SLCO4A1: variants seen among roughly 807,000 people sequenced by gnomAD.
SLCO4A1 encodes solute carrier organic anion transporter family member 4A1.
SLCO4A1 carries 51 observed loss-of-function variants against 64.6 expected under a neutral mutation model. The ratio of observed to expected loss-of-function variants is 0.79; its 90% CI spans 0.63 to 1.00. The LOEUF (loss-of-function observed/expected upper bound fraction) is 1.00. Ranked by LOEUF, SLCO4A1 falls within the 50% of genes least tolerant of loss-of-function variation. The pLI is 0.00. For missense variants in SLCO4A1, 919 were observed against 980.5 expected, an observed-to-expected ratio of 0.94 and a Z score of 0.84; for synonymous variants, 471 against 444.9, an observed-to-expected ratio of 1.06 and a Z score of -0.74.
intron 1 of SLCO4A1, among the ~76,000 whole-genome samples, chr20:62,656,033 C>T (rs1175219131): frequency 6.6e-6 from 1 of 152,240 alleles, no homozygotes; most frequent in African/African-American, 2.4e-5. Context: ...GGCCCCATCT[C>T]AGTAGGCCTT....
chr20:62,669,468 G>A (rs536999043), intron 11 of SLCO4A1, among the ~76,000 whole-genome samples: 11 of 152,302 alleles, frequency 7.2e-5, no homozygotes, highest in Admixed American at 3.9e-4. Flanking sequence ...GGTCCACTCC[G>A]GGCCTCAGTC....
chr20:62,644,371 C>T lies in SLCO4A1; in HGVS notation c.-97+1818C>T, dbSNP rs796203091. On this transcript the variant is annotated intron_variant, in intron 1 of 11. Transcript: ENST00000217159. This position sits in a 1 kb window ranked among gnomAD's most constrained non-coding sequence, Gnocchi z 5.4. ...TGAGGGAGCTTCCCTCCCGAGTGGC[C>T]GTGACCTAATCTGTAGCTCACTGGG... 1.6e-4 allele frequency among the ~76,000 whole-genome samples: 25 copies of T among 152,370 alleles called. No homozygotes were observed. The highest frequency in any genetic ancestry group is 5.8e-4 in the African/African-American group (24 of 41,594).
In SLCO4A1 at chr20:62,657,061, G is replaced by A. The variant is rs1230133594; in HGVS notation, c.607G>A (p.Ala203Thr). The change falls in exon 2 of 12, where the codon GCG (alanine) becomes ACG (threonine). Residue 203 changes from alanine (A) to threonine (T), a missense_variant. Transcript: ENST00000217159. ...TGGCCGCTATGAGGTGGAGTTGGAC[G>A]CGGGTGTCAGGACGTGCCCTGCCAA... is the stretch of plus-strand genomic sequence containing the variant. ...TAGRYEVELD[A>T]GVRTCPANPG... The A allele has an allele frequency of 6.3e-6, 10 of 1,598,444 alleles. No individual in the cohort carries two copies. The highest frequency in any genetic ancestry group is 1.3e-5 in the African/African-American group (1 of 74,732).
chr20:62,661,599 C>G lies in SLCO4A1; in HGVS notation c.1121+424C>G, dbSNP rs1014336311. ...CCTTCCCTCACCATGACCCCCCACA[C>G]TCTAATTCCCTTTCATCAGGTGTCA... is the stretch of plus-strand genomic sequence containing the variant. On this transcript the variant is annotated intron_variant, in intron 5 of 11. Coordinates refer to ENST00000217159, the MANE Select transcript of SLCO4A1 (RefSeq NM_016354.4). The surrounding 1 kb of genome is among the most constrained non-coding windows in gnomAD (Gnocchi z 5.2). 6.7e-6 allele frequency among the ~76,000 whole-genome samples: 1 copy of G among 149,454 alleles called. No homozygotes were observed. The highest frequency in any genetic ancestry group is 6.7e-5 in the Admixed American group (1 of 15,030).
downstream of SLCO4A1, among the ~76,000 whole-genome samples, chr20:62,688,295 C>T (rs901859072): frequency 2.0e-5 from 3 of 152,162 alleles, no homozygotes; most frequent in Non-Finnish European, 4.4e-5. Flanking sequence ...CGCGGCCCCC[C>T]ACGAGGCCTC....
chr20:62,658,885 C>T (rs1161193881), intron 3 of SLCO4A1, 118 bp downstream of exon 3: 13 of 847,140 alleles, frequency 1.5e-5, no homozygotes, highest in Non-Finnish European at 2.2e-5. Flanking sequence ...GTGCTGGGCA[C>T]CCCCCGGGCT....
At chr20:62,648,264 G>C (rs1981765043) in intron 1 of SLCO4A1, among the ~76,000 whole-genome samples, 1 of 152,252 alleles carries the variant, frequency 6.6e-6, no homozygotes, top group South Asian at 2.1e-4. Context: ...TGCACCGGAG[G>C]GGCGGGGTGG....
At chr20:62,682,762 G>A (rs1261604058) in intron 2 of SLCO4A1, among the ~76,000 whole-genome samples, 8 of 152,186 alleles carry the variant, frequency 5.3e-5, no homozygotes, top group South Asian at 4.1e-4. Context: ...CTTCCAAGTC[G>A]TCTGAACTTG....
chr20:62,656,863 C>T lies in SLCO4A1; in HGVS notation c.409C>T (p.Leu137=), dbSNP rs751679148. ...VITSLERRYD[L]HSYQSGLIAS... is the part of the protein sequence containing the mutation. ...CACCTCCCTGGAGCGCCGCTATGACCTGCACAGCTACCAGAGCGGGCTCAT... is the reference window on the plus strand; with the variant it reads ...CACCTCCCTGGAGCGCCGCTATGACTTGCACAGCTACCAGAGCGGGCTCAT... Residue 137 remains leucine, a synonymous_variant, in exon 2 of 12, where the codon CTG becomes TTG. Coordinates refer to ENST00000217159, the MANE Select transcript of SLCO4A1 (RefSeq NM_016354.4). The T allele has an allele frequency of 2.5e-6, 4 of 1,595,696 alleles. No homozygotes were observed. Among genetic ancestry groups the T allele is most frequent in the Non-Finnish European group, 3.4e-6 (4 of 1,166,954 alleles).
rs376899753 is a variant in SLCO4A1, at chr20:62,661,078, G to T, written c.1024G>T (p.Ala342Ser). ...PRQLPGSQRY[A>S]VMRAAEMHQL... is the part of the protein sequence containing the mutation. ...TGCCCTTCCAGGCTCCCAGCGCTAC[G>T]CGGTCATGAGAGCGGCGGAAATGCA... The change falls in exon 5 of 12, where the codon GCG becomes TCG. Residue 342 changes from alanine (A) to serine (S), a missense_variant. Physicochemically the swap from Ala to Ser is moderately conservative, Grantham distance 99 (BLOSUM62 1). Transcript: ENST00000217159. The surrounding 1 kb of genome is among the most constrained non-coding windows in gnomAD (Gnocchi z 5.2). The T allele has an allele frequency of 2.1e-5, 29 of 1,371,708 alleles. No individual in the cohort carries two copies. The highest frequency in any genetic ancestry group is 2.6e-5 in the Non-Finnish European group (27 of 1,025,382). The allele number at this position is 1,371,708 out of a possible 1,614,324, so 85.0% of individuals were successfully genotyped here. A position where few individuals can be genotyped will look rare whatever the true frequency, so the allele number is the denominator to read the frequency against.
chr20:62,652,704 C>T (rs1982818724), intron 1 of SLCO4A1, among the ~76,000 whole-genome samples: 1 of 152,230 alleles, frequency 6.6e-6, no homozygotes, highest in Non-Finnish European at 1.5e-5. Flanking sequence ...GCCTGGCCTG[C>T]CAGCTCGTGG....
intron 1 of SLCO4A1, chr20:62,649,309 C>T (rs1261926084): frequency 2.0e-5 from 3 of 152,270 alleles, no homozygotes; most frequent in Admixed American, 1.3e-4. Context: ...TCTATGTAGG[C>T]CCCCAACTGA....
At chr20:62,672,459 C>A, downstream of SLCO4A1, 1 of 189,468 alleles carries the variant, frequency 5.3e-6, no homozygotes, top group Non-Finnish European at 1.0e-5. Flanking sequence ...TCCACAGGCT[C>A]CCCTGCTGAG....
chr20:62,646,156 G>C (rs1315980438), intron 1 of SLCO4A1, among the ~76,000 whole-genome samples: 2 of 152,172 alleles, frequency 1.3e-5, no homozygotes. Context: ...TTGGGGGTCA[G>C]GTTTGAGCCC....
chr20:62,672,368 G>A (rs188993414), downstream of SLCO4A1: 23 of 846,906 alleles, frequency 2.7e-5, no homozygotes, highest in Admixed American at 1.7e-4. Flanking sequence ...CCCACGTCCT[G>A]TAGTCAGCCC....
downstream of SLCO4A1, among the ~76,000 whole-genome samples, chr20:62,689,755 C>T (rs1206206367): frequency 2.0e-5 from 3 of 152,240 alleles, no homozygotes; most frequent in Admixed American, 6.5e-5. Flanking sequence ...TGTAGGGATC[C>T]TGCCAAGCTG....
At chr20:62,647,650 C>T (rs1981596805) in intron 1 of SLCO4A1, among the ~76,000 whole-genome samples, 4 of 152,276 alleles carry the variant, frequency 2.6e-5, no homozygotes, top group Non-Finnish European at 1.5e-5. Context: ...CCACGCACTG[C>T]GCTGAGAGCG....
chr20:62,668,718 A>G (rs1986822976), intron 10 of SLCO4A1, among the ~76,000 whole-genome samples, 177 bp downstream of exon 10: 1 of 152,182 alleles, frequency 6.6e-6, no homozygotes, highest in Non-Finnish European at 1.5e-5. Context: ...TTATTTGCCC[A>G]AAGGCTTTCC....
At position 62,669,001 on chromosome 20, in the gene SLCO4A1, G is replaced by A; in HGVS notation, c.1948G>A (p.Gly650Ser). 1 of 1,610,682 alleles carries A rather than the reference G, an allele frequency of 6.2e-7. No individual in the cohort carries two copies. Residue 650 changes from glycine to serine, a missense_variant, in exon 11 of 12, where the codon GGC (glycine) becomes AGC (serine). Transcript: ENST00000217159. ...KACLLWQDQC[G>S]QQGSCLVYQN... ...CTGTCTGCTGTGGCAGGACCAGTGT[G>A]GCCAGCAGGGCTCCTGCTTGGTGTA...
Sources: gnomAD v4.1 joint callset for allele counts (sites outside exome capture counted in the v4.1 genomes callset) on GRCh38, gnomAD v4.1.1 for gene constraint, Gnocchi (gnomAD v3.1) non-coding constraint, MANE v1.5 for transcripts, NCBI Gene and HGNC (gene_info 2026-07-23, HGNC 2026-07-21) for gene names.